Variants in FSTL4 observed in about 807,000 individuals in gnomAD.
FSTL4 encodes follistatin like 4.
In FSTL4, 28 loss-of-function variants were observed where a neutral mutation model predicts 78.2. The observed-to-expected ratio is 0.36, with a 90% confidence interval of 0.27 to 0.49. FSTL4 has a LOEUF of 0.49. Ranked by LOEUF, FSTL4 falls within the 20% of genes least tolerant of loss-of-function variation. FSTL4 has a pLI of 0.98. For synonymous variants in FSTL4, 422 were observed against 440.5 expected (o/e 0.96, Z 0.53); for missense variants, 922 against 1,084.9 (o/e 0.85, Z 2.11).
intron 3 of FSTL4, among the ~76,000 whole-genome samples, chr5:133,486,657 G>A (rs569283680): frequency 1.2e-4 from 19 of 152,192 alleles, no homozygotes; most frequent in African/African-American, 4.6e-4. Flanking sequence ...TTACAGTTGT[G>A]TTACTGCAAA....
the FSTL4 span, among the ~76,000 whole-genome samples, chr5:133,822,327 A>G: frequency 1.3e-5 from 2 of 152,216 alleles, no homozygotes; most frequent in African/African-American, 4.8e-5. Context: ...ATTTATATGC[A>G]GCATTGACCA....
At position 133,225,128 on chromosome 5, in the gene FSTL4, G is replaced by A. The variant is rs751821268; in HGVS notation, c.1312+22C>T. ...CACCTCCCAGCCAGCTCAGTGAGAA[G>A]CATAAACGCGTGTCGACTTACGGGT... On this transcript the variant is annotated intron_variant, in intron 10 of 15. Transcript: ENST00000265342. This position sits in a 1 kb window ranked among gnomAD's most constrained non-coding sequence, Gnocchi z 4.6. The A allele has an allele frequency of 1.2e-6, 2 of 1,613,964 alleles. No individual in the cohort carries two copies. The highest frequency in any genetic ancestry group is 2.2e-5 in the East Asian group (1 of 44,896).
intron 3 of FSTL4, among the ~76,000 whole-genome samples, chr5:133,483,471 G>C (rs181506754): frequency 6.6e-6 from 1 of 152,308 alleles, no homozygotes; most frequent in Admixed American, 6.5e-5. Context: ...GCTGGCTGGG[G>C]CTCTGACTGG....
the FSTL4 span, among the ~76,000 whole-genome samples, chr5:133,839,614 C>T: frequency 3.9e-5 from 6 of 152,258 alleles, no homozygotes; most frequent in African/African-American, 1.2e-4. Flanking sequence ...TACAGAGCAT[C>T]CTTAGACTTC....
chr5:133,656,033 A>G, the FSTL4 span, among the ~76,000 whole-genome samples: 6 of 152,312 alleles, frequency 3.9e-5, no homozygotes, highest in South Asian at 1.2e-3. Context: ...TGATTCTCTT[A>G]AGACATGATG....
At chr5:133,778,448 T>G in the FSTL4 span, among the ~76,000 whole-genome samples, 10,794 of 152,324 alleles carry the variant, frequency 0.071, 509 homozygotes, top group African/African-American at 0.12. Context: ...TATCATTGCT[T>G]TCTCAGGAAA....
chr5:133,473,696 T>C (rs1028542256), intron 3 of FSTL4, among the ~76,000 whole-genome samples: 3 of 152,208 alleles, frequency 2.0e-5, no homozygotes, highest in Non-Finnish European at 2.9e-5. Flanking sequence ...TGTGAAGAAA[T>C]ACCTGAGACT....
intron 4 of FSTL4, among the ~76,000 whole-genome samples, chr5:133,367,426 C>T (rs530117432): frequency 6.6e-6 from 1 of 152,308 alleles, no homozygotes; most frequent in African/African-American, 2.4e-5. Flanking sequence ...AGCCATATGG[C>T]AATGCTTTAT....
chr5:133,713,069 C>G, the FSTL4 span, among the ~76,000 whole-genome samples: 3 of 152,202 alleles, frequency 2.0e-5, no homozygotes, highest in African/African-American at 7.2e-5. Flanking sequence ...ATCCTGTTAT[C>G]CTAGGATAAC....
chr5:133,543,805 A>G (rs1347861667), intron 3 of FSTL4, among the ~76,000 whole-genome samples: 1 of 151,960 alleles, frequency 6.6e-6, no homozygotes, highest in African/African-American at 2.4e-5. Context: ...TTTAAAGCTA[A>G]TATTTTGTAT....
At chr5:133,831,188 G>C in the FSTL4 span, among the ~76,000 whole-genome samples, 3 of 152,256 alleles carry the variant, frequency 2.0e-5, no homozygotes, top group East Asian at 5.8e-4. Context: ...GAGTGTCCTA[G>C]AGGTAGCAAG....
At chr5:133,800,055 C>T in the FSTL4 span, among the ~76,000 whole-genome samples, 1 of 139,064 alleles carries the variant, frequency 7.2e-6, no homozygotes, top group Non-Finnish European at 1.6e-5. Context: ...TTGTCATGGA[C>T]AACAGGAGTT....
chr5:133,687,942 C>T, the FSTL4 span, among the ~76,000 whole-genome samples: 2 of 152,204 alleles, frequency 1.3e-5, no homozygotes, highest in African/African-American at 4.8e-5. Context: ...GGCTCACCCC[C>T]ACTATGTTTG....
At chr5:133,517,054 G>A (rs1387624539) in intron 3 of FSTL4, among the ~76,000 whole-genome samples, 1 of 149,692 alleles carries the variant, frequency 6.7e-6, no homozygotes, top group Non-Finnish European at 1.5e-5. Context: ...TCCAGCCTGG[G>A]AGATAGAGTG....
chr5:133,485,716 GC>G (rs1355124577), intron 3 of FSTL4, among the ~76,000 whole-genome samples: 1 of 152,208 alleles, frequency 6.6e-6, no homozygotes, highest in Non-Finnish European at 1.5e-5. Context: ...TCCTCGGCAA[GC>G]ACTCTGGCCC....
intron 3 of FSTL4, among the ~76,000 whole-genome samples, chr5:133,464,351 G>GT (rs1181881969): frequency 6.6e-6 from 1 of 152,142 alleles, no homozygotes; most frequent in Admixed American, 6.5e-5. Flanking sequence ...CCATATGCAG[G>GT]TTTTTCTGGT....
Position 133,225,361 on chromosome 5 carries a change from T to G in FSTL4, c.1178-77A>C. 6.4e-7 allele frequency: 1 copy of G among 1,567,300 alleles called. No individual in the cohort carries two copies. Among genetic ancestry groups the G allele is most frequent in the South Asian group, 1.1e-5 (1 of 89,440 alleles). On this transcript the variant is annotated intron_variant, in intron 9 of 15. Coordinates refer to ENST00000265342, the MANE Select transcript of FSTL4 (RefSeq NM_015082.2). The surrounding 1 kb of genome is among the most constrained non-coding windows in gnomAD (Gnocchi z 4.6). ...CTTTCCTTTATGGGGCCATTGAGAG[T>G]GTTAGGGCTGCCCAGCCCCTGGGCA...
At chr5:133,787,431 C>T in the FSTL4 span, among the ~76,000 whole-genome samples, 2 of 152,186 alleles carry the variant, frequency 1.3e-5, no homozygotes, top group Non-Finnish European at 2.9e-5. Flanking sequence ...TCCAAGTCTG[C>T]CTGCTGAACG....
intron 4 of FSTL4, among the ~76,000 whole-genome samples, chr5:133,366,602 G>A (rs1362746101): frequency 6.6e-6 from 1 of 151,842 alleles, no homozygotes; most frequent in African/African-American, 2.4e-5. Flanking sequence ...GCTTCCCCAT[G>A]TCCCTTTCCT....
Sources: allele counts gnomAD v4.1 joint callset (sites outside exome capture counted in the v4.1 genomes callset), GRCh38; gene constraint gnomAD v4.1.1; non-coding constraint Gnocchi (gnomAD v3.1); transcripts MANE v1.5; gene names NCBI Gene and HGNC (gene_info 2026-07-23, HGNC 2026-07-21).